C16orf95: variants seen among roughly 807,000 people sequenced by gnomAD.
C16orf95 encodes the protein chromosome 16 open reading frame 95.
Under a neutral mutation model 32.1 loss-of-function variants are expected in C16orf95, and 41 were observed. The ratio of observed to expected loss-of-function variants is 1.28; its 90% CI spans 1.00 to 1.66. The LOEUF is 1.66. Ranked by LOEUF, C16orf95 falls within the 40% of genes most tolerant of loss-of-function variation. The pLI, the probability that C16orf95 is intolerant of heterozygous loss-of-function variation, is 0.00. For synonymous variants in C16orf95, 147 were observed against 128.9 expected, an observed-to-expected ratio of 1.14 and a Z score of -0.95; for missense variants, 399 against 325.9, an observed-to-expected ratio of 1.22 and a Z score of -1.73.
intron 5 of C16orf95, chr16:87,306,113 G>C (rs1022127666): frequency 1.2e-5 from 5 of 420,608 alleles, no homozygotes; most frequent in African/African-American, 1.0e-4. Context: ...GGCAGCCTTG[G>C]GGCTGTTTTT....
In C16orf95 at chr16:87,305,696, T is replaced by G. The variant is rs950881740; in HGVS notation, c.701+23A>C. 1.4e-6 allele frequency: 2 copies of G among 1,476,832 alleles called. No homozygotes were observed. Among genetic ancestry groups the G allele is most frequent in the Non-Finnish European group, 8.9e-7 (1 of 1,119,262 alleles). 91.5% of individuals were successfully genotyped at this position (1,476,832 alleles called of 1,614,324 possible). A position where few individuals can be genotyped will look rare whatever the true frequency, so the allele number is the denominator to read the frequency against. On this transcript the variant is annotated intron_variant, in intron 6 of 6. Transcript: ENST00000567970. The surrounding 1 kb of genome is among the most constrained non-coding windows in gnomAD (Gnocchi z 4.2). ...GTCACCATGCCAGGGCCACCCACTG[T>G]CCCCCATCCCCCACCTGCTCACCGA...
Position 87,311,232 on chromosome 16 carries a change from C to T in C16orf95, c.395G>A (p.Arg132His), listed in dbSNP as rs148863765. The change falls in exon 4 of 7, where the codon CGC becomes CAC. Residue 132 changes from arginine to histidine, a missense_variant. Coordinates refer to ENST00000567970, the MANE Select transcript of C16orf95 (RefSeq NM_001195124.3). ...AGGCATCGGGAGGCGGCCCCCAAAGCGGTGGCATAGGCAGGGGCACATCTT... is the reference window on the plus strand; with the variant it reads ...AGGCATCGGGAGGCGGCCCCCAAAGTGGTGGCATAGGCAGGGGCACATCTT... ...TAKMCPCLCH[R>H]FGGRLPMPRD... is the part of the protein sequence containing the mutation. The T allele has an allele frequency of 6.8e-4, 1,051 of 1,535,768 alleles. 4 individuals carry two copies. In the African/African-American group the frequency reaches 0.011, roughly 16 times the overall value.
Position 87,317,310 on chromosome 16 carries a change from C to G in C16orf95, c.-68G>C, listed in dbSNP as rs558789834. 1.8e-4 allele frequency: 258 copies of G among 1,451,856 alleles called. No individual in the cohort carries two copies. The Middle Eastern group carries it at 2.7e-3, about 15-fold the overall frequency. 89.9% of individuals were successfully genotyped at this position (1,451,856 alleles called of 1,614,324 possible). On this transcript the variant is annotated 5_prime_UTR_variant, in exon 1 of 7. Transcript: ENST00000567970. Reference sequence around the variant, plus strand: ...CCGCAGGCCCTGACGCCCTGGCTCCCGCCTTTCCCTCCTGCCCCAGGAGGA... The same window carrying G: ...CCGCAGGCCCTGACGCCCTGGCTCCGGCCTTTCCCTCCTGCCCCAGGAGGA...
Position 87,316,963 on chromosome 16 carries a change from A to T in C16orf95, c.152+128T>A, listed in dbSNP as rs1307675280. ...CATCAGTTGCGTTTTTGTTAAGCCAATGTAAGTGAGGTTCCTGTGGGTGGC... is the reference window on the plus strand; with the variant it reads ...CATCAGTTGCGTTTTTGTTAAGCCATTGTAAGTGAGGTTCCTGTGGGTGGC... On this transcript the variant is annotated intron_variant, in intron 1 of 6. Coordinates refer to ENST00000567970, the MANE Select transcript of C16orf95 (RefSeq NM_001195124.3). 7 of 1,368,582 alleles carry T rather than the reference A, an allele frequency of 5.1e-6. No individual in the cohort carries two copies. The Admixed American group carries it at 2.4e-4, about 46-fold the overall frequency. The allele number at this position is 1,368,582 out of a possible 1,614,324, so 84.8% of individuals were successfully genotyped here. A position where few individuals can be genotyped will look rare whatever the true frequency, so the allele number is the denominator to read the frequency against.
At position 87,309,372 on chromosome 16, in the gene C16orf95, C is replaced by CTTTTTTTTTTTTTTTTTTTTTT. The variant is rs10551847; in HGVS notation, c.514+903_514+924dup. Among the ~76,000 whole-genome samples the CTTTTTTTTTTTTTTTTTTTTTT allele has an allele frequency of 1.5e-3, 129 of 86,038 alleles. 13 individuals are homozygous for CTTTTTTTTTTTTTTTTTTTTTT. Among genetic ancestry groups the CTTTTTTTTTTTTTTTTTTTTTT allele is most frequent in the African/African-American group, 2.5e-3 (43 of 16,888 alleles). The allele number at this position is 86,038 out of a possible 152,430, so 56.4% of individuals were successfully genotyped here. A position where few individuals can be genotyped will look rare whatever the true frequency, so the allele number is the denominator to read the frequency against. ...TATGCATTTTCTTTTTCTTTCTTTT[C>CTTTTTTTTTTTTTTTTTTTTTT]TTTTTTTTTTTTTTTTTTTTTTTTT... On this transcript the variant is annotated intron_variant, in intron 5 of 6. Transcript: ENST00000567970.
At position 87,306,061 on chromosome 16, in the gene C16orf95, G is replaced by A. The variant is rs143882897; in HGVS notation, c.515-156C>T. 1.6e-4 allele frequency: 81 copies of A among 493,556 alleles called. 1 individual carries two copies. Among genetic ancestry groups the A allele is most frequent in the Admixed American group, 1.2e-3 (30 of 25,380 alleles). The allele number at this position is 493,556 out of a possible 1,614,324, so 30.6% of individuals were successfully genotyped here. On this transcript the variant is annotated intron_variant, in intron 5 of 6. Transcript: ENST00000567970. The stretch of plus-strand genomic sequence containing the variant: ...GTGGGGACACTGACCCGGAGCTCAC[G>A]AGATAAAGGCCGTCTTGCGGGTTTA...
At chr16:87,304,332 G>C (rs111564969) in intron 6 of C16orf95, among the ~76,000 whole-genome samples, 24,100 of 91,910 alleles carry the variant, frequency 0.26, 2,732 homozygotes, top group African/African-American at 0.43. Flanking sequence ...TGGGATCCAG[G>C]TGTGGGCCAC....
chr16:87,308,724 C>T (rs1911138766), intron 5 of C16orf95, among the ~76,000 whole-genome samples: 1 of 152,196 alleles, frequency 6.6e-6, no homozygotes, highest in Admixed American at 6.5e-5. Flanking sequence ...ACTCCTGTTA[C>T]AATTCTTCAA....
intron 5 of C16orf95, among the ~76,000 whole-genome samples, chr16:87,308,476 CAATAAATAAATAAATAAATA>C (rs60809347): frequency 4.5e-4 from 66 of 146,896 alleles, no homozygotes; most frequent in African/African-American, 1.2e-3. Context: ...GACTGCATCT[CAATAAATAAATAAATAAATA>C]AATAAATAAA....
intron 1 of C16orf95, 77 bp from the exon 2 acceptor site, chr16:87,315,900 G>T: frequency 1.9e-6 from 2 of 1,079,898 alleles, no homozygotes; most frequent in Non-Finnish European, 2.6e-6. Context: ...GCCTGGACCT[G>T]TCTTCTCAGA....
At chr16:87,308,588 A>C (rs1343309697) in intron 5 of C16orf95, among the ~76,000 whole-genome samples, 2 of 152,120 alleles carry the variant, frequency 1.3e-5, no homozygotes, top group Admixed American at 6.6e-5. Context: ...ATCCCAAAAA[A>C]CTGTTGCCGT....
chr16:87,311,075 C>T, intron 4 of C16orf95, 75 bp downstream of exon 4: 1 of 1,337,584 alleles, frequency 7.5e-7, no homozygotes, highest in East Asian at 2.6e-5. Context: ...TCTTCCCCTT[C>T]TTCCTCCCAT....
At chr16:87,311,013 T>C in intron 4 of C16orf95, 137 bp downstream of exon 4, 1 of 836,360 alleles carries the variant, frequency 1.2e-6, no homozygotes, top group Non-Finnish European at 1.7e-6. Flanking sequence ...TGCCAGGGGA[T>C]CTTCTCTGGA....
intron 2 of C16orf95, among the ~76,000 whole-genome samples, 200 bp from the exon 3 acceptor site, chr16:87,315,296 G>A (rs1165562875): frequency 6.6e-6 from 1 of 152,194 alleles, no homozygotes; most frequent in Non-Finnish European, 1.5e-5. Context: ...GGGATCCCCC[G>A]GAGCTTGCAA....
At chr16:87,316,994 A>C in intron 1 of C16orf95, 97 bp downstream of exon 1, 1 of 1,394,820 alleles carries the variant, frequency 7.2e-7, no homozygotes, top group Non-Finnish European at 9.3e-7. Context: ...GTGGCGGTCA[A>C]GAGTTCTGCC....
Position 87,305,429 on chromosome 16 carries a change from G to T in C16orf95, c.701+290C>A, listed in dbSNP as rs577975265. 6.6e-6 allele frequency among the ~76,000 whole-genome samples: 1 copy of T among 151,608 alleles called. No homozygotes were observed. Among genetic ancestry groups the T allele is most frequent in the East Asian group, 1.9e-4 (1 of 5,150 alleles). ...TGAAAATTTATGGAAACTGGGACCC[G>T]TGTCCTTCTGGGAGCAGGGCCATTT... On this transcript the variant is annotated intron_variant, in intron 6 of 6. Coordinates refer to ENST00000567970, the MANE Select transcript of C16orf95 (RefSeq NM_001195124.3). This position sits in a 1 kb window ranked among gnomAD's most constrained non-coding sequence, Gnocchi z 4.2.
At position 87,317,298 on chromosome 16, in the gene C16orf95, C is replaced by G; in HGVS notation, c.-56G>C. The stretch of plus-strand genomic sequence containing the variant: ...CACACACATCGTCCGCAGGCCCTGA[C>G]GCCCTGGCTCCCGCCTTTCCCTCCT... On this transcript the variant is annotated 5_prime_UTR_variant, in exon 1 of 7. Coordinates refer to ENST00000567970, the MANE Select transcript of C16orf95 (RefSeq NM_001195124.3). 1 of 1,455,896 alleles carries G rather than the reference C, an allele frequency of 6.9e-7. No individual in the cohort carries two copies. Among genetic ancestry groups the G allele is most frequent in the Non-Finnish European group, 9.1e-7 (1 of 1,102,774 alleles). The allele number at this position is 1,455,896 out of a possible 1,614,324, so 90.2% of individuals were successfully genotyped here.
Position 87,305,034 on chromosome 16 carries a change from G to A in C16orf95, c.701+685C>T, listed in dbSNP as rs773399985. ...GCAGGAAGGAGCTGCACTGGGCAATGAGGAGGAGGAGGAGAGGAGAGAGGC... is the reference window on the plus strand; with the variant it reads ...GCAGGAAGGAGCTGCACTGGGCAATAAGGAGGAGGAGGAGAGGAGAGAGGC... On this transcript the variant is annotated intron_variant, in intron 6 of 6. Transcript: ENST00000567970. This position sits in a 1 kb window ranked among gnomAD's most constrained non-coding sequence, Gnocchi z 4.2. Among the ~76,000 whole-genome samples, 8 of 152,052 alleles carry A rather than the reference G, an allele frequency of 5.3e-5. No individual in the cohort carries two copies. The highest frequency in any genetic ancestry group is 7.4e-5 in the Non-Finnish European group (5 of 67,972).
chr16:87,308,096 G>A (rs1222664452), intron 5 of C16orf95, among the ~76,000 whole-genome samples: 1 of 152,160 alleles, frequency 6.6e-6, no homozygotes, highest in African/African-American at 2.4e-5. Context: ...GAATGAGCGG[G>A]AGCCTTGCTG....
Sources: allele counts gnomAD v4.1 joint callset (sites outside exome capture counted in the v4.1 genomes callset), GRCh38; gene constraint gnomAD v4.1.1; non-coding constraint Gnocchi (gnomAD v3.1); transcripts MANE v1.5; gene names NCBI Gene and HGNC (gene_info 2026-07-23, HGNC 2026-07-21).